Variants in ETV1 observed in about 807,000 individuals in gnomAD.
ETV1 encodes the protein ETS translocation variant 1.
Under a neutral mutation model 62.3 loss-of-function variants are expected in ETV1, and 27 were observed. The observed-to-expected ratio is 0.43, with a 90% CI of 0.32 to 0.60. ETV1 has a LOEUF of 0.60. ETV1 is among the 20% of genes least tolerant of loss of function. The pLI, the probability that ETV1 is intolerant of heterozygous loss-of-function variation, is 0.06. For missense variants in ETV1, 605 were observed against 605.8 expected (o/e 1.00, Z 0.01); for synonymous variants, 222 against 199.6 (o/e 1.11, Z -0.94).
At chr7:13,933,101 A>C (rs1786380435) in intron 8 of ETV1, among the ~76,000 whole-genome samples, 1 of 152,236 alleles carries the variant, frequency 6.6e-6, no homozygotes, top group African/African-American at 2.4e-5. Context: ...AATTATCATT[A>C]AGAACTGTCA....
intron 5 of ETV1, chr7:13,986,256 T>C: frequency 1.3e-6 from 2 of 1,527,902 alleles, no homozygotes; most frequent in Non-Finnish European, 1.8e-6. Flanking sequence ...TGATATGCGC[T>C]GCTCTAAAGG....
chr7:13,926,192 T>A (rs1262655627), intron 9 of ETV1, among the ~76,000 whole-genome samples: 2 of 152,208 alleles, frequency 1.3e-5, no homozygotes, highest in African/African-American at 4.8e-5. Context: ...TCTCAAACAT[T>A]CACTATGCAT....
chr7:13,969,381 T>C (rs1018199468), intron 6 of ETV1, among the ~76,000 whole-genome samples: 157 of 152,300 alleles, frequency 1.0e-3, no homozygotes, highest in African/African-American at 3.7e-3. Flanking sequence ...AAGATGACAA[T>C]ATATTACTTA....
At chr7:13,899,175 TGCCCCC>T (rs1782145349) in intron 13 of ETV1, among the ~76,000 whole-genome samples, 2 of 152,124 alleles carry the variant, frequency 1.3e-5, no homozygotes, top group Non-Finnish European at 2.9e-5. Flanking sequence ...CCAGGCAATG[TGCCCCC>T]GCATTAGGAA....
intron 9 of ETV1, among the ~76,000 whole-genome samples, chr7:13,924,380 C>A (rs1449338534): frequency 1.3e-5 from 2 of 152,174 alleles, no homozygotes; most frequent in Non-Finnish European, 2.9e-5. Context: ...TATAAAAGAT[C>A]ACTTCTTTGA....
At chr7:13,899,988 G>C (rs558079834) in intron 13 of ETV1, among the ~76,000 whole-genome samples, 1 of 152,312 alleles carries the variant, frequency 6.6e-6, no homozygotes, top group South Asian at 2.1e-4. Flanking sequence ...AATTAGCTGG[G>C]TGTGGTGGTG....
intron 6 of ETV1, among the ~76,000 whole-genome samples, chr7:13,948,310 G>A (rs1410667336): frequency 6.6e-6 from 1 of 152,190 alleles, no homozygotes; most frequent in Non-Finnish European, 1.5e-5. Context: ...CTTGTCTTAA[G>A]AGTGAAATAG....
At chr7:13,917,906 G>C (rs1454888333) in intron 9 of ETV1, among the ~76,000 whole-genome samples, 7 of 152,070 alleles carry the variant, frequency 4.6e-5, no homozygotes, top group Admixed American at 1.3e-4. Context: ...GGAGCTTGCA[G>C]TGAGCCGAGA....
chr7:13,950,251 C>T (rs1238706156), intron 6 of ETV1, among the ~76,000 whole-genome samples: 1 of 152,110 alleles, frequency 6.6e-6, no homozygotes, highest in African/African-American at 2.4e-5. Context: ...CACCTTGCTT[C>T]CTGAAGTAGA....
chr7:13,929,795 C>G (rs1195372381), intron 9 of ETV1, among the ~76,000 whole-genome samples: 1 of 152,110 alleles, frequency 6.6e-6, no homozygotes, highest in Non-Finnish European at 1.5e-5. Context: ...TGAGGCATGC[C>G]TCAACGGGGC....
chr7:13,968,922 A>C (rs1780577462), intron 6 of ETV1, among the ~76,000 whole-genome samples: 1 of 152,140 alleles, frequency 6.6e-6, no homozygotes, highest in Non-Finnish European at 1.5e-5. Flanking sequence ...AAGAGAGCCT[A>C]CTTGCAAGAT....
chr7:13,961,781 G>C (rs908234077), intron 6 of ETV1, among the ~76,000 whole-genome samples: 1 of 152,108 alleles, frequency 6.6e-6, no homozygotes, highest in Non-Finnish European at 1.5e-5. Context: ...AATGTTTCCA[G>C]TGCAACACTT....
chr7:13,919,147 A>G (rs913442463), intron 9 of ETV1, among the ~76,000 whole-genome samples: 67 of 152,304 alleles, frequency 4.4e-4, no homozygotes, highest in African/African-American at 1.6e-3. Flanking sequence ...CTTTATAAAC[A>G]TAACCATATT....
At chr7:13,956,452 T>C (rs953579950) in intron 6 of ETV1, among the ~76,000 whole-genome samples, 3 of 152,198 alleles carry the variant, frequency 2.0e-5, no homozygotes, top group Non-Finnish European at 1.5e-5. Flanking sequence ...CCTTGTCTGA[T>C]GGGAACCAAG....
intron 6 of ETV1, among the ~76,000 whole-genome samples, chr7:13,942,944 C>T (rs1375874640): frequency 6.6e-6 from 1 of 151,730 alleles, no homozygotes; most frequent in African/African-American, 2.4e-5. Context: ...AAACAGGACA[C>T]AAAAAGCACT....
chr7:13,989,249 C>T lies in ETV1; in HGVS notation c.-88+19G>A. ...AGTCCCATTCACAAAAATAACCCTC[C>T]CTACACCGCCTCCTTCACCTGGATC... On this transcript the variant is annotated intron_variant, in intron 2 of 13. Transcript: ENST00000430479. 1 of 569,674 alleles carries T rather than the reference C, an allele frequency of 1.8e-6. No homozygotes were observed. The highest frequency in any genetic ancestry group is 2.3e-5 in the South Asian group (1 of 43,856). The allele number at this position is 569,674 out of a possible 1,614,324, so 35.3% of individuals were successfully genotyped here.
At position 13,914,505 on chromosome 7, in the gene ETV1, C is replaced by T. The variant is rs10254292; in HGVS notation, c.803-3198G>A. On this transcript the variant is annotated intron_variant, in intron 9 of 13. Transcript: ENST00000430479. ...CATTTTAATGCACTAATCAATGTAGCGGAAGTTAAGAAGAATAATAAACTA... is the reference window on the plus strand; with the variant it reads ...CATTTTAATGCACTAATCAATGTAGTGGAAGTTAAGAAGAATAATAAACTA... 6.6e-3 allele frequency among the ~76,000 whole-genome samples: 996 copies of T among 150,384 alleles called. 8 individuals are homozygous for T. Among genetic ancestry groups the T allele is most frequent in the African/African-American group, 0.023 (947 of 40,878 alleles).
chr7:13,923,910 C>G (rs1184424644), intron 9 of ETV1, among the ~76,000 whole-genome samples: 3 of 152,032 alleles, frequency 2.0e-5, no homozygotes, highest in Non-Finnish European at 4.4e-5. Context: ...TGGCGCACGC[C>G]TGTGATCCCA....
chr7:13,899,382 C>T (rs1782177376), intron 13 of ETV1, among the ~76,000 whole-genome samples: 1 of 152,128 alleles, frequency 6.6e-6, no homozygotes, highest in Non-Finnish European at 1.5e-5. Context: ...TCGAAGTCAG[C>T]CTTTTCTTTT....
Sources: allele counts gnomAD v4.1 joint callset (sites outside exome capture counted in the v4.1 genomes callset), GRCh38; gene constraint gnomAD v4.1.1; transcripts MANE v1.5; gene names NCBI Gene and HGNC (gene_info 2026-07-23, HGNC 2026-07-21).